The following TRAK1 variants were observed in gnomAD, a reference collection of about 807,000 sequenced individuals.
TRAK1 encodes trafficking kinesin protein 1, also known as trafficking kinesin-binding protein 1.
TRAK1 carries 33 observed loss-of-function variants against 92.1 expected under a neutral mutation model. The observed-to-expected ratio is 0.36, with a 90% CI of 0.27 to 0.48. TRAK1 has a LOEUF of 0.48. Ranked by LOEUF, TRAK1 falls within the 20% of genes least tolerant of loss-of-function variation. The probability of loss-of-function intolerance (pLI) is 0.99; values close to 1 mark genes in which losing one functional copy is unlikely to be tolerated. For missense variants in TRAK1, 1,123 were observed against 1,257.9 expected (o/e 0.89, Z 1.62); for synonymous variants, 521 against 517.3 (o/e 1.01, Z -0.10).
chr3:42,178,028 C>T (rs768009567), intron 3 of TRAK1, among the ~76,000 whole-genome samples: 31 of 152,148 alleles, frequency 2.0e-4, no homozygotes, highest in Non-Finnish European at 1.6e-4. Context: ...TTGGCACCAC[C>T]GACTTTTGAA....
rs540353037 is a variant in TRAK1 at position 42,030,372 on chromosome 3, A to AAAAATAT, written c.-519+16256_-519+16257insAAATATA. On this transcript the variant is annotated intron_variant, in intron 1 of 16. Coordinates refer to the TRAK1 transcript ENST00000487159. ...GCGAGACCCTGTCTCTAAAAAAAAA[A>AAAAATAT]ATATATATATATATATATGGCCGGG... 4.5e-4 allele frequency among the ~76,000 whole-genome samples: 59 copies of AAAAATAT among 132,316 alleles called. No homozygotes were observed. In the South Asian group the frequency reaches 5.6e-3, roughly 13 times the overall value. The allele number at this position is 132,316 out of a possible 152,430, so 86.8% of individuals were successfully genotyped here.
At chr3:42,204,256 C>T (rs374768066) in intron 13 of TRAK1, 49 of 985,072 alleles carry the variant, frequency 5.0e-5, no homozygotes, top group Middle Eastern at 5.2e-4. Context: ...TCATCTCTGT[C>T]TTGTCTGCTT....
chr3:42,084,902 C>T (rs1704602754), upstream of TRAK1, among the ~76,000 whole-genome samples: 1 of 151,676 alleles, frequency 6.6e-6, no homozygotes, highest in Non-Finnish European at 1.5e-5. Context: ...CTTTTCTCAC[C>T]AGGGATATAC....
At chr3:42,200,046 T>C in intron 11 of TRAK1, among the ~76,000 whole-genome samples, 1 of 152,242 alleles carries the variant, frequency 6.6e-6, no homozygotes, top group East Asian at 1.9e-4. Context: ...TCAACTCTTG[T>C]ACTTAACCTG....
chr3:42,189,818 A>C (rs1034254138), intron 6 of TRAK1, among the ~76,000 whole-genome samples: 3 of 152,234 alleles, frequency 2.0e-5, no homozygotes, highest in African/African-American at 4.8e-5. Context: ...GGCGTGAGCC[A>C]CCGTGCCTGG....
intron 2 of TRAK1, among the ~76,000 whole-genome samples, chr3:42,168,032 C>T (rs1702086714): frequency 6.6e-6 from 1 of 152,208 alleles, no homozygotes; most frequent in Non-Finnish European, 1.5e-5. Flanking sequence ...GTGGCTATAA[C>T]TTGGGAGAAG....
intron 1 of TRAK1, among the ~76,000 whole-genome samples, chr3:42,104,226 G>T (rs1449143360): frequency 6.6e-6 from 1 of 152,218 alleles, no homozygotes; most frequent in Non-Finnish European, 1.5e-5. Flanking sequence ...TGCCTCTGTA[G>T]GGAGGCAGGG....
At chr3:42,112,287 C>G (rs1459122380) in intron 1 of TRAK1, among the ~76,000 whole-genome samples, 1 of 150,426 alleles carries the variant, frequency 6.6e-6, no homozygotes, top group Non-Finnish European at 1.5e-5. Flanking sequence ...CCCGTCTCTA[C>G]TATAAATACA....
chr3:42,203,890 A>G, intron 13 of TRAK1: 1 of 954,926 alleles, frequency 1.0e-6, no homozygotes, highest in African/African-American at 1.8e-5. Flanking sequence ...GTTTACCTCA[A>G]AAGAACCTGT....
intron 1 of TRAK1, among the ~76,000 whole-genome samples, chr3:42,114,814 G>A (rs923297170): frequency 6.6e-6 from 1 of 152,090 alleles, no homozygotes; most frequent in Non-Finnish European, 1.5e-5. Flanking sequence ...CTGGGTTCAA[G>A]CGATTTTCAT....
At chr3:42,177,015 T>C in intron 3 of TRAK1, 125 bp downstream of exon 3, 1 of 818,634 alleles carries the variant, frequency 1.2e-6, no homozygotes. Context: ...TTTCGAGGTA[T>C]AATTTAATGG....
At chr3:42,220,157 C>T (rs1004145963) in intron 15 of TRAK1, among the ~76,000 whole-genome samples, 1 of 152,108 alleles carries the variant, frequency 6.6e-6, no homozygotes, top group Admixed American at 6.5e-5. Context: ...TGTGGAACCC[C>T]TTGTGCCTCT....
intron 7 of TRAK1, among the ~76,000 whole-genome samples, chr3:42,192,149 G>C (rs1705854922): frequency 6.6e-6 from 1 of 151,994 alleles, no homozygotes; most frequent in Admixed American, 6.5e-5. Flanking sequence ...TGATCCACCT[G>C]CCTTGGCCTC....
intron 1 of TRAK1, among the ~76,000 whole-genome samples, chr3:42,062,255 G>T (rs1703477976): frequency 6.6e-6 from 1 of 152,104 alleles, no homozygotes; most frequent in African/African-American, 2.4e-5. Flanking sequence ...TGAACTACTG[G>T]TATTATAAAG....
chr3:42,212,117 G>A (rs527613165), intron 14 of TRAK1: 6 of 985,360 alleles, frequency 6.1e-6, no homozygotes, highest in East Asian at 1.1e-4. Context: ...AAAGCATATC[G>A]CTAAGTAAAT....
At chr3:42,217,116 T>A in intron 14 of TRAK1, 2 of 242,224 alleles carry the variant, frequency 8.3e-6, no homozygotes, top group Non-Finnish European at 1.3e-5. Flanking sequence ...TTTTTTTTTT[T>A]TAGAACTTGC....
intron 1 of TRAK1, among the ~76,000 whole-genome samples, chr3:42,106,111 C>G (rs867763511): frequency 3.3e-5 from 5 of 152,178 alleles, no homozygotes; most frequent in East Asian, 1.9e-4. Context: ...ACTGCATCAA[C>G]TAACGAGCAA....
At chr3:42,167,569 ATTTTG>A (rs1199606460) in intron 2 of TRAK1, among the ~76,000 whole-genome samples, 7 of 152,314 alleles carry the variant, frequency 4.6e-5, no homozygotes, top group African/African-American at 1.7e-4. Flanking sequence ...AAATAGCTAC[ATTTTG>A]TTTTGTTTTT....
At chr3:42,111,343 C>G (rs1708367630) in intron 1 of TRAK1, among the ~76,000 whole-genome samples, 1 of 152,020 alleles carries the variant, frequency 6.6e-6, no homozygotes. Context: ...AACAAACCTC[C>G]TTATTGTCCG....
Sources: allele counts gnomAD v4.1 joint callset (sites outside exome capture counted in the v4.1 genomes callset), GRCh38; gene constraint gnomAD v4.1.1; transcripts MANE v1.5; gene names NCBI Gene and HGNC (gene_info 2026-07-23, HGNC 2026-07-21).